CORIN: variants seen among roughly 807,000 people sequenced by gnomAD.
CORIN encodes atrial natriuretic peptide-converting enzyme.
CORIN carries 117 observed loss-of-function variants against 125.3 expected under a neutral mutation model. The observed-to-expected ratio is 0.93, with a 90% CI of 0.80 to 1.09. The LOEUF is 1.09. Ranked by LOEUF, CORIN falls within the 50% of genes least tolerant of loss-of-function variation. The pLI, the probability that CORIN is intolerant of heterozygous loss-of-function variation, is 0.00. For synonymous variants in CORIN, 450 were observed against 466.4 expected, an observed-to-expected ratio of 0.96 and a Z score of 0.45; for missense variants, 1,253 against 1,306.7, an observed-to-expected ratio of 0.96 and a Z score of 0.63.
At chr4:47,715,612 G>A (rs1210622267) in intron 5 of CORIN, among the ~76,000 whole-genome samples, 1 of 152,068 alleles carries the variant, frequency 6.6e-6, no homozygotes, top group Non-Finnish European at 1.5e-5. Context: ...AAAAAAAGGG[G>A]GGGAGCATGA....
chr4:47,755,989 A>T (rs1729122894), intron 4 of CORIN, among the ~76,000 whole-genome samples: 1 of 152,212 alleles, frequency 6.6e-6, no homozygotes, highest in Non-Finnish European at 1.5e-5. Flanking sequence ...TGTTCTGAAC[A>T]ATGGGTATAC....
In CORIN at chr4:47,605,353, T is replaced by C. The variant is rs541486556; in HGVS notation, c.2541-1685A>G. 3.3e-5 allele frequency among the ~76,000 whole-genome samples: 5 copies of C among 152,200 alleles called. No individual in the cohort carries two copies. The East Asian group carries it at 9.7e-4, about 29-fold the overall frequency. On this transcript the variant is annotated intron_variant, in intron 19 of 21. Coordinates refer to ENST00000273857, the MANE Select transcript of CORIN (RefSeq NM_006587.4). ...GGCTTGGTACCTGGCCTACAGTAGG[T>C]CCTCAACAAGTACCTATTTAATGAT...
rs755585616 is a variant in CORIN, at chr4:47,595,955, T to G, written c.2947-52A>C. On this transcript the variant is annotated intron_variant, in intron 21 of 21. Transcript: ENST00000273857. ...GAACTGGCATTTCAGGGCAGTAATGTGTGTCCATGCTATCCTGAGGATACT... is the reference window on the plus strand; with the variant it reads ...GAACTGGCATTTCAGGGCAGTAATGGGTGTCCATGCTATCCTGAGGATACT... 4 of 1,448,392 alleles carry G rather than the reference T, an allele frequency of 2.8e-6. No homozygotes were observed. In the Admixed American group the frequency reaches 7.9e-5, roughly 29 times the overall value. 89.7% of individuals were successfully genotyped at this position (1,448,392 alleles called of 1,614,324 possible). A position where few individuals can be genotyped will look rare whatever the true frequency, so the allele number is the denominator to read the frequency against.
chr4:47,599,080 C>G (rs989659326), intron 21 of CORIN, among the ~76,000 whole-genome samples: 1 of 152,146 alleles, frequency 6.6e-6, no homozygotes, highest in African/African-American at 2.4e-5. Flanking sequence ...ATATTTCAGG[C>G]TTCAAATCCT....
At chr4:47,717,354 G>A (rs1727138892) in intron 5 of CORIN, among the ~76,000 whole-genome samples, 3 of 152,126 alleles carry the variant, frequency 2.0e-5, no homozygotes, top group African/African-American at 7.2e-5. Flanking sequence ...CTTATCAAAT[G>A]CAGACTCCCG....
chr4:47,819,980 A>G (rs1378203663), intron 1 of CORIN, among the ~76,000 whole-genome samples: 2 of 152,184 alleles, frequency 1.3e-5, no homozygotes, highest in Non-Finnish European at 2.9e-5. Flanking sequence ...TGAAACTGCT[A>G]TTACAATCCT....
chr4:47,648,789 T>C (rs1723604853), intron 13 of CORIN, among the ~76,000 whole-genome samples: 1 of 152,124 alleles, frequency 6.6e-6, no homozygotes, highest in Admixed American at 6.5e-5. Context: ...ACTGCATTAT[T>C]GAGCTGACAA....
intron 5 of CORIN, among the ~76,000 whole-genome samples, chr4:47,704,069 G>C (rs1416001399): frequency 2.0e-5 from 3 of 152,140 alleles, no homozygotes; most frequent in African/African-American, 7.2e-5. Context: ...TTACACGCTG[G>C]TGGAACACAG....
chr4:47,787,718 C>A (rs1225124002), intron 2 of CORIN, among the ~76,000 whole-genome samples: 1 of 152,210 alleles, frequency 6.6e-6, no homozygotes, highest in East Asian at 1.9e-4. Context: ...CACCCATGCA[C>A]CATGCAAAGT....
chr4:47,819,322 A>G (rs924839616), intron 1 of CORIN, among the ~76,000 whole-genome samples: 8 of 152,224 alleles, frequency 5.3e-5, no homozygotes, highest in African/African-American at 1.9e-4. Context: ...TAGAAGAGCA[A>G]GTTGGCAAAG....
At chr4:47,679,514 C>G (rs1725170086) in intron 8 of CORIN, 1 of 152,418 alleles carries the variant, frequency 6.6e-6, no homozygotes, top group African/African-American at 2.4e-5. Flanking sequence ...CAGGCACCTG[C>G]CACCACACCC....
chr4:47,787,884 C>T (rs548180627), intron 2 of CORIN, among the ~76,000 whole-genome samples: 15 of 152,316 alleles, frequency 9.8e-5, no homozygotes, highest in African/African-American at 2.4e-4. Context: ...TGAGAACATA[C>T]GATGTTTGGT....
chr4:47,677,389 G>A (rs2109704763), intron 9 of CORIN, among the ~76,000 whole-genome samples: 1 of 152,282 alleles, frequency 6.6e-6, no homozygotes, highest in South Asian at 2.1e-4. Flanking sequence ...ACCCTACTGA[G>A]AGGCTTCCAC....
intron 16 of CORIN, among the ~76,000 whole-genome samples, chr4:47,640,107 G>A (rs1459491407): frequency 6.6e-6 from 1 of 152,024 alleles, no homozygotes; most frequent in Non-Finnish European, 1.5e-5. Flanking sequence ...AAAAGTATCT[G>A]CATGTCTATT....
At chr4:47,739,929 T>TA (rs545341237) in intron 5 of CORIN, among the ~76,000 whole-genome samples, 81 of 150,920 alleles carry the variant, frequency 5.4e-4, no homozygotes, top group African/African-American at 1.9e-3. Context: ...TAAGAATAAC[T>TA]AAAAAAAATA....
At chr4:47,639,296 T>C (rs1375936022) in intron 16 of CORIN, among the ~76,000 whole-genome samples, 1 of 152,232 alleles carries the variant, frequency 6.6e-6, no homozygotes, top group East Asian at 1.9e-4. Flanking sequence ...CCATGTTCTA[T>C]GCAATAAGTC....
intron 16 of CORIN, among the ~76,000 whole-genome samples, chr4:47,637,197 T>A (rs1216294431): frequency 6.6e-6 from 1 of 152,210 alleles, no homozygotes; most frequent in Non-Finnish European, 1.5e-5. Flanking sequence ...GTAGAAGACA[T>A]TTCTAAGCAG....
intron 2 of CORIN, 33 bp from the exon 3 acceptor site, chr4:47,786,958 A>G (rs1003985016): frequency 1.4e-6 from 2 of 1,452,190 alleles, no homozygotes; most frequent in African/African-American, 2.8e-5. Flanking sequence ...AAAAAAACCT[A>G]TCTTTGAAAC....
At chr4:47,773,082 T>C (rs1050618466) in intron 3 of CORIN, among the ~76,000 whole-genome samples, 11 of 152,194 alleles carry the variant, frequency 7.2e-5, no homozygotes, top group Admixed American at 6.5e-4. Flanking sequence ...ATTGAGTCTC[T>C]ACTATACAAA....
Sources: gnomAD v4.1 joint callset for allele counts (sites outside exome capture counted in the v4.1 genomes callset) on GRCh38, gnomAD v4.1.1 for gene constraint, MANE v1.5 for transcripts, NCBI Gene and HGNC (gene_info 2026-07-23, HGNC 2026-07-21) for gene names.